Variants in SORBS2 observed in about 807,000 individuals in gnomAD.
SORBS2 encodes the protein sorbin and SH3 domain containing 2.
SORBS2 carries 46 observed loss-of-function variants against 97.7 expected under a neutral mutation model. The observed-to-expected ratio is 0.47, with a 90% CI of 0.37 to 0.60. The LOEUF (loss-of-function observed/expected upper bound fraction) is 0.60. Among genes scored for constraint, SORBS2 ranks in the 20% least tolerant of loss-of-function variants. The pLI, the probability that SORBS2 is intolerant of heterozygous loss-of-function variation, is 0.00. For missense variants in SORBS2, 1,316 were observed against 1,282.3 expected (o/e 1.03, Z -0.40); for synonymous variants, 476 against 473.4 (o/e 1.01, Z -0.07).
intron 1 of SORBS2, among the ~76,000 whole-genome samples, chr4:185,808,500 A>T (rs753065145): frequency 1.3e-5 from 2 of 152,200 alleles, no homozygotes; most frequent in African/African-American, 2.4e-5. Context: ...TTTAAAAAAT[A>T]CTAATAATGT....
chr4:185,587,686 T>A lies in SORBS2; in HGVS notation c.2956A>T (p.Thr986Ser), dbSNP rs183379234. Residue 986 changes from threonine to serine, a missense_variant and splice_region_variant, in exon 15 of 15, where the codon ACC (threonine) becomes TCC (serine). Thr to Ser is a moderately conservative substitution (Grantham distance 58). Transcript: ENST00000418609. ...CCAAAGAATTTGGTTCTTCTTGAGG[T>A]CCCTGAAAATAGAAGCGAGTCATGA... The A allele has an allele frequency of 1.5e-4, 248 of 1,612,314 alleles. 6 individuals carry two copies. In the Admixed American group the frequency reaches 4.1e-3, roughly 27 times the overall value.
chr4:185,700,256 G>A (rs1271160009), intron 2 of SORBS2, among the ~76,000 whole-genome samples: 2 of 151,906 alleles, frequency 1.3e-5, no homozygotes, highest in Non-Finnish European at 1.5e-5. Context: ...AAGGAAGATT[G>A]GGCTCCAGCT....
At chr4:185,747,405 T>C (rs967641507) in intron 2 of SORBS2, among the ~76,000 whole-genome samples, 3 of 152,232 alleles carry the variant, frequency 2.0e-5, no homozygotes, top group Admixed American at 6.5e-5. Context: ...TTGAATTTCT[T>C]GCAAACGCTT....
At chr4:185,592,911 G>A (rs2095988157) in intron 13 of SORBS2, 1 of 152,182 alleles carries the variant, frequency 6.6e-6, no homozygotes, top group Non-Finnish European at 1.5e-5. Flanking sequence ...CCCGCAACAA[G>A]AACACTTTTC....
chr4:185,633,178 T>C (rs965090114), intron 4 of SORBS2, among the ~76,000 whole-genome samples: 2 of 152,198 alleles, frequency 1.3e-5, no homozygotes, highest in Non-Finnish European at 2.9e-5. Context: ...AGTTTTCCAG[T>C]TATGGATTAA....
At chr4:185,734,230 A>G (rs2098666920) in intron 2 of SORBS2, 76 bp from the exon 3 acceptor site, 1 of 152,616 alleles carries the variant, frequency 6.6e-6, no homozygotes, top group Non-Finnish European at 1.5e-5. Context: ...AACAGCGGCG[A>G]GATCAAACTG....
intron 1 of SORBS2, among the ~76,000 whole-genome samples, chr4:185,949,877 A>C (rs1257186616): frequency 6.6e-6 from 1 of 152,200 alleles, no homozygotes; most frequent in Non-Finnish European, 1.5e-5. Context: ...AGGGTCCAGC[A>C]GCTCACCATA....
At chr4:185,814,190 T>C (rs2099191807) in intron 1 of SORBS2, among the ~76,000 whole-genome samples, 1 of 152,046 alleles carries the variant, frequency 6.6e-6, no homozygotes, top group African/African-American at 2.4e-5. Context: ...TTCTTTTCAT[T>C]GTATCTCTGA....
intron 2 of SORBS2, among the ~76,000 whole-genome samples, chr4:185,766,593 T>C (rs1338212418): frequency 6.6e-6 from 1 of 152,236 alleles, no homozygotes; most frequent in Non-Finnish European, 1.5e-5. Context: ...ATTAACAATT[T>C]GTTCTAAAAC....
At chr4:185,587,839 G>A in intron 14 of SORBS2, 151 bp from the exon 27 acceptor site, 1 of 633,754 alleles carries the variant, frequency 1.6e-6, no homozygotes, top group Non-Finnish European at 2.8e-6. Flanking sequence ...AAGCCCATAG[G>A]CAGACAAAAT....
chr4:185,690,034 G>T (rs2098062222), intron 2 of SORBS2, among the ~76,000 whole-genome samples: 1 of 152,178 alleles, frequency 6.6e-6, no homozygotes, highest in Non-Finnish European at 1.5e-5. Flanking sequence ...ATACAGTTTA[G>T]AGACACAGTT....
intron 8 of SORBS2, 71 bp from the exon 21 acceptor site, chr4:185,618,702 C>A: frequency 5.1e-6 from 5 of 974,958 alleles, no homozygotes; most frequent in Admixed American, 2.2e-5. Flanking sequence ...GTTTAATGTG[C>A]CTTAAAGAAA....
At chr4:185,699,886 A>C (rs1023280185) in intron 2 of SORBS2, among the ~76,000 whole-genome samples, 11 of 152,214 alleles carry the variant, frequency 7.2e-5, no homozygotes, top group African/African-American at 2.7e-4. Context: ...ATTTGAAAAA[A>C]TTCTTTACAT....
intron 1 of SORBS2, among the ~76,000 whole-genome samples, chr4:185,778,656 C>T (rs1015547417): frequency 1.3e-5 from 2 of 152,160 alleles, no homozygotes; most frequent in Non-Finnish European, 2.9e-5. Flanking sequence ...CTGGATGTGA[C>T]TCGAGCATCT....
chr4:185,669,548 T>G (rs1301189294), intron 4 of SORBS2, among the ~76,000 whole-genome samples: 2 of 151,648 alleles, frequency 1.3e-5, no homozygotes, highest in Non-Finnish European at 2.9e-5. Flanking sequence ...GAAGAAGGAG[T>G]GCATGGCCAG....
chr4:185,615,638 C>T (rs1248348962), intron 9 of SORBS2, among the ~76,000 whole-genome samples: 1 of 151,878 alleles, frequency 6.6e-6, no homozygotes, highest in African/African-American at 2.4e-5. Context: ...GAAGTGCCAA[C>T]ACCAGAACAA....
intron 1 of SORBS2, among the ~76,000 whole-genome samples, chr4:185,827,043 C>A (rs1585256785): frequency 6.7e-6 from 1 of 148,786 alleles, no homozygotes; most frequent in East Asian, 2.0e-4. Context: ...CCACCATCAT[C>A]ACCACCATCA....
chr4:185,750,107 G>A (rs147841567), intron 2 of SORBS2, among the ~76,000 whole-genome samples: 12 of 152,314 alleles, frequency 7.9e-5, no homozygotes, highest in African/African-American at 2.9e-4. Context: ...GCTGGACGCC[G>A]GAGTGTCCCA....
chr4:185,629,139 T>A (rs560879513), intron 5 of SORBS2, among the ~76,000 whole-genome samples: 1 of 152,182 alleles, frequency 6.6e-6, no homozygotes, highest in Non-Finnish European at 1.5e-5. Context: ...TGAATACATG[T>A]GTCTGGGATG....
Sources: gnomAD v4.1 joint callset for allele counts (sites outside exome capture counted in the v4.1 genomes callset) on GRCh38, gnomAD v4.1.1 for gene constraint, MANE v1.5 for transcripts, NCBI Gene and HGNC (gene_info 2026-07-23, HGNC 2026-07-21) for gene names.